MGAT4C: variants seen among roughly 807,000 people sequenced by gnomAD.
MGAT4C encodes the protein MGAT4 family member C.
MGAT4C carries 19 observed loss-of-function variants against 40.1 expected under a neutral mutation model. The observed-to-expected ratio is 0.47, with a 90% confidence interval of 0.33 to 0.70. The LOEUF (loss-of-function observed/expected upper bound fraction) is 0.70, where lower values mean the gene tolerates loss of function less well. Among genes scored for constraint, MGAT4C ranks in the 30% least tolerant of loss-of-function variants. MGAT4C has a pLI of 0.02. For missense variants in MGAT4C, 491 were observed against 563.2 expected (o/e 0.87, Z 1.30); for synonymous variants, 181 against 187.1 (o/e 0.97, Z 0.27).
chr12:86,361,451 A>T (rs1426564313), intron 3 of MGAT4C, among the ~76,000 whole-genome samples: 1 of 152,242 alleles, frequency 6.6e-6, no homozygotes, highest in African/African-American at 2.4e-5. Flanking sequence ...CTAAAACATC[A>T]AAAGCAATGG....
intron 2 of MGAT4C, among the ~76,000 whole-genome samples, chr12:86,667,992 T>C (rs1964157584): frequency 6.6e-6 from 1 of 152,276 alleles, no homozygotes; most frequent in African/African-American, 2.4e-5. Flanking sequence ...AGCAACTTGC[T>C]ATATTCTAAT....
chr12:86,627,903 T>A (rs897791712), intron 2 of MGAT4C, among the ~76,000 whole-genome samples: 2 of 151,900 alleles, frequency 1.3e-5, no homozygotes, highest in Non-Finnish European at 2.9e-5. Flanking sequence ...CTTTGAGGAG[T>A]TGACAGAAGT....
rs34416287 is a variant in MGAT4C, at chr12:86,788,006, CAGA to C, written c.-262+50657_-262+50659del. Among the ~76,000 whole-genome samples the C allele has an allele frequency of 9.5e-3, 1,439 of 152,138 alleles. 11 individuals are homozygous for C. The highest frequency in any genetic ancestry group is 0.017 in the Middle Eastern group (5 of 294). On this transcript the variant is annotated intron_variant, in intron 1 of 7. Transcript: ENST00000548651. ...TAGAGAATAGGTCATGGATAGATAA[CAGA>C]AGAAGAGACATGACAAAATGATCAG...
chr12:86,723,037 C>T (rs746993502), intron 2 of MGAT4C, among the ~76,000 whole-genome samples: 12 of 152,156 alleles, frequency 7.9e-5, no homozygotes, highest in Non-Finnish European at 1.2e-4. Context: ...GCATTGAATT[C>T]ATGTTCAAAT....
chr12:86,491,288 C>T (rs1295565602), intron 2 of MGAT4C, among the ~76,000 whole-genome samples: 5 of 152,266 alleles, frequency 3.3e-5, no homozygotes, highest in Non-Finnish European at 5.9e-5. Flanking sequence ...ATCCCTAACT[C>T]ATTTTATGAG....
At chr12:86,288,109 A>G (rs992991012) in intron 4 of MGAT4C, among the ~76,000 whole-genome samples, 2 of 152,076 alleles carry the variant, frequency 1.3e-5, no homozygotes, top group African/African-American at 2.4e-5. Flanking sequence ...AGTGATGATG[A>G]GCTTTTTTTC....
chr12:86,187,771 T>C (rs1397467658), intron 1 of MGAT4C, among the ~76,000 whole-genome samples: 1 of 152,032 alleles, frequency 6.6e-6, no homozygotes, highest in South Asian at 2.1e-4. Flanking sequence ...AAATGTCATT[T>C]TTCAGGGCTC....
intron 2 of MGAT4C, among the ~76,000 whole-genome samples, chr12:86,507,466 C>T (rs1958490435): frequency 6.6e-6 from 1 of 152,062 alleles, no homozygotes; most frequent in African/African-American, 2.4e-5. Context: ...TAAGAGGTGA[C>T]CTAAGACTTT....
intron 3 of MGAT4C, among the ~76,000 whole-genome samples, chr12:86,389,675 T>C (rs1349566135): frequency 6.6e-6 from 1 of 152,206 alleles, no homozygotes; most frequent in East Asian, 1.9e-4. Flanking sequence ...CCAGAACTTG[T>C]AAATTATAAG....
chr12:86,004,621 C>T (rs1003238493), intron 2 of MGAT4C, among the ~76,000 whole-genome samples: 1 of 151,898 alleles, frequency 6.6e-6, no homozygotes. Context: ...AATTTCTAAC[C>T]CAAGAGCAAG....
chr12:86,041,543 A>G (rs753905454), intron 2 of MGAT4C, among the ~76,000 whole-genome samples: 10 of 152,302 alleles, frequency 6.6e-5, no homozygotes, highest in Non-Finnish European at 1.5e-4. Context: ...AGTTTCAAAG[A>G]ATTTATTGAT....
chr12:86,626,370 A>C (rs376458129), intron 2 of MGAT4C, among the ~76,000 whole-genome samples: 3 of 152,200 alleles, frequency 2.0e-5, no homozygotes, highest in Non-Finnish European at 4.4e-5. Context: ...TTTCTGGATA[A>C]AATAATTATA....
At chr12:86,821,791 G>A (rs182576072) in intron 1 of MGAT4C, among the ~76,000 whole-genome samples, 1 of 150,976 alleles carries the variant, frequency 6.6e-6, no homozygotes, top group Non-Finnish European at 1.5e-5. Flanking sequence ...TTTTTGGAGA[G>A]TTACAATAAA....
chr12:86,161,630 T>C (rs1218366424), intron 1 of MGAT4C, among the ~76,000 whole-genome samples: 5 of 152,070 alleles, frequency 3.3e-5, no homozygotes, highest in Admixed American at 6.6e-5. Context: ...ACAAAATCAA[T>C]TGCAATAAAA....
intron 1 of MGAT4C, among the ~76,000 whole-genome samples, chr12:86,220,297 T>C (rs917339078): frequency 4.6e-5 from 7 of 152,096 alleles, no homozygotes; most frequent in Non-Finnish European, 8.8e-5. Context: ...TTCCTTTTTC[T>C]CCTGTGTGTT....
At chr12:86,290,619 G>A (rs1953485479) in intron 4 of MGAT4C, among the ~76,000 whole-genome samples, 1 of 151,280 alleles carries the variant, frequency 6.6e-6, no homozygotes, top group South Asian at 2.1e-4. Flanking sequence ...ACCATAACCT[G>A]ACAAAATCAT....
chr12:86,316,309 G>T (rs746196088), intron 4 of MGAT4C, among the ~76,000 whole-genome samples: 21 of 152,224 alleles, frequency 1.4e-4, no homozygotes, highest in Non-Finnish European at 3.1e-4. Flanking sequence ...GCAGTTTAAT[G>T]ATTTCTCAAA....
At chr12:86,315,428 C>T (rs1049783613) in intron 4 of MGAT4C, among the ~76,000 whole-genome samples, 1 of 152,118 alleles carries the variant, frequency 6.6e-6, no homozygotes, top group Non-Finnish European at 1.5e-5. Context: ...GAAGGCCGGG[C>T]GCGGTGGCTC....
intron 2 of MGAT4C, among the ~76,000 whole-genome samples, chr12:86,665,959 G>T (rs959703675): frequency 6.6e-6 from 1 of 152,062 alleles, no homozygotes; most frequent in African/African-American, 2.4e-5. Context: ...TATATGTGGG[G>T]TTTTTTAAGC....
Sources: gnomAD v4.1 joint callset for allele counts (sites outside exome capture counted in the v4.1 genomes callset) on GRCh38, gnomAD v4.1.1 for gene constraint, MANE v1.5 for transcripts, NCBI Gene and HGNC (gene_info 2026-07-23, HGNC 2026-07-21) for gene names.